Variants in GRIN2B observed in about 807,000 individuals in gnomAD.
GRIN2B encodes glutamate ionotropic receptor NMDA type subunit 2B.
GRIN2B carries 5 observed loss-of-function variants against 114.5 expected under a neutral mutation model. That is an observed-to-expected ratio of 0.04 (90% CI 0.02 to 0.09). GRIN2B has a LOEUF of 0.09. Among genes scored for constraint, GRIN2B ranks in the 10% least tolerant of loss-of-function variants. The pLI is 1.00. For missense variants in GRIN2B, 1,108 were observed against 1,943.5 expected, an observed-to-expected ratio of 0.57 and a Z score of 8.08; for synonymous variants, 787 against 745.1, an observed-to-expected ratio of 1.06 and a Z score of -0.92.
intron 2 of GRIN2B, among the ~76,000 whole-genome samples, chr12:13,891,712 T>A (rs1451439836): frequency 6.6e-6 from 1 of 152,108 alleles, no homozygotes; most frequent in African/African-American, 2.4e-5. Flanking sequence ...CAAAATTGAA[T>A]CCTCTATTTA....
At chr12:13,896,596 C>T (rs1026883953) in intron 2 of GRIN2B, among the ~76,000 whole-genome samples, 5 of 152,246 alleles carry the variant, frequency 3.3e-5, no homozygotes, top group East Asian at 1.9e-4. Context: ...TAAGTCACTA[C>T]AAAACTCCAT....
At chr12:13,855,761 CA>C (rs1487179589) in intron 3 of GRIN2B, among the ~76,000 whole-genome samples, 2 of 152,178 alleles carry the variant, frequency 1.3e-5, no homozygotes, top group Non-Finnish European at 2.9e-5. Context: ...ATTACATCTG[CA>C]AAGACCCTTT....
chr12:13,774,146 T>C (rs1437505326), intron 3 of GRIN2B, among the ~76,000 whole-genome samples: 1 of 152,174 alleles, frequency 6.6e-6, no homozygotes, highest in African/African-American at 2.4e-5. Flanking sequence ...TCTGTTAATA[T>C]GAGCAGACAG....
intron 5 of GRIN2B, among the ~76,000 whole-genome samples, chr12:13,672,705 G>A (rs999292156): frequency 2.0e-5 from 3 of 152,112 alleles, no homozygotes; most frequent in Admixed American, 1.3e-4. Flanking sequence ...TAATTGAGTC[G>A]ATATGAAAAT....
chr12:13,804,175 T>A (rs1864563296), intron 3 of GRIN2B, among the ~76,000 whole-genome samples: 1 of 150,882 alleles, frequency 6.6e-6, no homozygotes, highest in Non-Finnish European at 1.5e-5. Context: ...TTTTTGTTAG[T>A]GAGATATTAT....
At chr12:13,926,246 G>T (rs1431927093) in intron 2 of GRIN2B, among the ~76,000 whole-genome samples, 1 of 152,108 alleles carries the variant, frequency 6.6e-6, no homozygotes, top group African/African-American at 2.4e-5. Context: ...AGCCACTCCA[G>T]CTTCAGCAAC....
At chr12:13,850,362 G>A (rs1167023728) in intron 3 of GRIN2B, among the ~76,000 whole-genome samples, 3 of 152,164 alleles carry the variant, frequency 2.0e-5, no homozygotes, top group Non-Finnish European at 4.4e-5. Flanking sequence ...TTATTGAAGA[G>A]TTTCAGCTGA....
intron 2 of GRIN2B, among the ~76,000 whole-genome samples, chr12:13,884,804 T>C (rs1866128297): frequency 6.6e-6 from 1 of 152,152 alleles, no homozygotes; most frequent in Non-Finnish European, 1.5e-5. Flanking sequence ...AAATCATGAA[T>C]ATGTGTGTGT....
intron 2 of GRIN2B, among the ~76,000 whole-genome samples, chr12:13,950,367 C>T (rs1057008671): frequency 1.3e-5 from 2 of 152,178 alleles, no homozygotes; most frequent in African/African-American, 2.4e-5. Flanking sequence ...GATTTACATG[C>T]CTTCAAATCC....
chr12:13,735,857 T>C (rs557325874), intron 4 of GRIN2B, among the ~76,000 whole-genome samples: 22 of 151,634 alleles, frequency 1.5e-4, no homozygotes, highest in African/African-American at 4.4e-4. Context: ...TGTGGAGAAG[T>C]AGGATCCTTT....
intron 3 of GRIN2B, among the ~76,000 whole-genome samples, chr12:13,794,512 C>T (rs2268128): frequency 9.1e-4 from 138 of 152,256 alleles, no homozygotes; most frequent in Non-Finnish European, 1.6e-3. Context: ...TAACCTCCCC[C>T]CCGGACCCGA....
intron 5 of GRIN2B, among the ~76,000 whole-genome samples, chr12:13,656,926 A>G (rs1949870286): frequency 6.6e-6 from 1 of 152,186 alleles, no homozygotes; most frequent in South Asian, 2.1e-4. Flanking sequence ...AAGGTCACCC[A>G]CTAGATGGAT....
intron 4 of GRIN2B, among the ~76,000 whole-genome samples, chr12:13,694,048 G>C (rs1209424638): frequency 6.6e-6 from 1 of 152,100 alleles, no homozygotes; most frequent in Admixed American, 6.5e-5. Flanking sequence ...CAGCAAGGGA[G>C]AGTAATTAGG....
intron 3 of GRIN2B, among the ~76,000 whole-genome samples, chr12:13,768,878 C>CA (rs1785141280): frequency 1.3e-5 from 2 of 151,998 alleles, no homozygotes; most frequent in African/African-American, 2.4e-5. Flanking sequence ...ACTAAAAATA[C>CA]AAAAAATTAG....
At chr12:13,661,155 C>A (rs1019085444) in intron 5 of GRIN2B, among the ~76,000 whole-genome samples, 1 of 152,166 alleles carries the variant, frequency 6.6e-6, no homozygotes, top group East Asian at 1.9e-4. Context: ...GCCTTCCTTT[C>A]TTTGCTAGGT....
At chr12:13,613,375 C>T (rs542659374) in intron 8 of GRIN2B, among the ~76,000 whole-genome samples, 1 of 152,240 alleles carries the variant, frequency 6.6e-6, no homozygotes, top group South Asian at 2.1e-4. Flanking sequence ...TATATATAAT[C>T]CTTCTAATGG....
intron 13 of GRIN2B, among the ~76,000 whole-genome samples, chr12:13,565,355 T>C (rs1948624915): frequency 6.6e-6 from 1 of 152,206 alleles, no homozygotes; most frequent in Non-Finnish European, 1.5e-5. Context: ...TAGGAATAAA[T>C]AACTCCCTTG....
At chr12:13,831,897 T>C (rs928004450) in intron 3 of GRIN2B, among the ~76,000 whole-genome samples, 2 of 152,360 alleles carry the variant, frequency 1.3e-5, no homozygotes, top group African/African-American at 2.4e-5. Context: ...ATTAGTGTTC[T>C]ATCATCTTTT....
chr12:13,963,844 G>A (rs1867741760), intron 2 of GRIN2B, among the ~76,000 whole-genome samples: 1 of 152,152 alleles, frequency 6.6e-6, no homozygotes, highest in African/African-American at 2.4e-5. Context: ...GATCCTGAGG[G>A]TGCCAGGACT....
Sources: allele counts gnomAD v4.1 joint callset (sites outside exome capture counted in the v4.1 genomes callset), GRCh38; gene constraint gnomAD v4.1.1; transcripts MANE v1.5; gene names NCBI Gene and HGNC (gene_info 2026-07-23, HGNC 2026-07-21).